CNTNAP4: variants seen among roughly 807,000 people sequenced by gnomAD.
The protein encoded by CNTNAP4 is contactin-associated protein-like 4.
Under a neutral mutation model 148.4 loss-of-function variants are expected in CNTNAP4, and 98 were observed. The observed-to-expected ratio is 0.66, with a 90% CI of 0.56 to 0.78. CNTNAP4 has a LOEUF of 0.78. Ranked by LOEUF, CNTNAP4 falls within the 30% of genes least tolerant of loss-of-function variation. The probability of loss-of-function intolerance (pLI) is 0.00; values close to 1 mark genes in which losing one functional copy is unlikely to be tolerated. For missense variants in CNTNAP4, 1,935 were observed against 1,565.6 expected (o/e 1.24, Z -3.98); for synonymous variants, 730 against 565.1 (o/e 1.29, Z -4.14).
At chr16:76,379,702 A>G (rs1333095146) in intron 3 of CNTNAP4, among the ~76,000 whole-genome samples, 1 of 152,288 alleles carries the variant, frequency 6.6e-6, no homozygotes, top group Admixed American at 6.5e-5. Context: ...GACTTTCTAT[A>G]TTCTGCTTCT....
chr16:76,550,905 G>A (rs1458777173), intron 21 of CNTNAP4, among the ~76,000 whole-genome samples: 1 of 152,136 alleles, frequency 6.6e-6, no homozygotes, highest in African/African-American at 2.4e-5. Context: ...TGCTCCCTCA[G>A]TGCTATCTTT....
At chr16:76,336,789 T>G (rs1964063776) in intron 2 of CNTNAP4, among the ~76,000 whole-genome samples, 1 of 152,248 alleles carries the variant, frequency 6.6e-6, no homozygotes, top group African/African-American at 2.4e-5. Context: ...TGTTGGTTGA[T>G]AAGTTGTTTG....
chr16:76,396,168 T>G (rs2078195759), intron 3 of CNTNAP4, among the ~76,000 whole-genome samples: 1 of 152,258 alleles, frequency 6.6e-6, no homozygotes, highest in Non-Finnish European at 1.5e-5. Context: ...AATTTTGCTT[T>G]GTTAGACCTT....
intron 2 of CNTNAP4, among the ~76,000 whole-genome samples, chr16:76,348,993 G>A (rs1015975444): frequency 6.6e-6 from 1 of 152,068 alleles, no homozygotes; most frequent in Admixed American, 6.6e-5. Context: ...GCAGGAGAGA[G>A]GAGAATTGCT....
At chr16:76,424,449 G>T (rs181156214) in intron 3 of CNTNAP4, among the ~76,000 whole-genome samples, 1 of 152,124 alleles carries the variant, frequency 6.6e-6, no homozygotes, top group African/African-American at 2.4e-5. Flanking sequence ...AATTTGGAAA[G>T]CTTGTAAAGA....
intron 3 of CNTNAP4, among the ~76,000 whole-genome samples, chr16:76,388,890 C>T (rs948386446): frequency 6.6e-5 from 10 of 152,098 alleles, no homozygotes; most frequent in African/African-American, 2.4e-5. Context: ...TAGAATTGTT[C>T]TTTGTGTGCT....
chr16:76,474,203 A>T (rs1484637892), intron 10 of CNTNAP4, among the ~76,000 whole-genome samples: 1 of 152,160 alleles, frequency 6.6e-6, no homozygotes, highest in African/African-American at 2.4e-5. Context: ...AGACTGGGAG[A>T]CAGGGGCTGT....
chr16:76,345,478 T>G (rs61368169), intron 2 of CNTNAP4, among the ~76,000 whole-genome samples: 28,524 of 152,142 alleles, frequency 0.19, 3,495 homozygotes, highest in East Asian at 0.49. Flanking sequence ...TCAAGAGTAT[T>G]GGGAGAGGGA....
intron 3 of CNTNAP4, among the ~76,000 whole-genome samples, chr16:76,385,899 C>T (rs773162359): frequency 9.9e-5 from 15 of 151,918 alleles, no homozygotes; most frequent in Non-Finnish European, 1.9e-4. Flanking sequence ...GAACATAAGG[C>T]AGTATTTCAG....
At chr16:76,294,912 C>G (rs922234063) in intron 1 of CNTNAP4, among the ~76,000 whole-genome samples, 2 of 152,150 alleles carry the variant, frequency 1.3e-5, no homozygotes, top group East Asian at 1.9e-4. Flanking sequence ...GCTTTTGTGA[C>G]CACATTTTAT....
chr16:76,553,491 C>T lies in CNTNAP4; in HGVS notation c.3651C>T (p.His1217=). The T allele has an allele frequency of 6.2e-7, 1 of 1,609,212 alleles. No homozygotes were observed. The highest frequency in any genetic ancestry group is 8.5e-7 in the Non-Finnish European group (1 of 1,177,258). Reference sequence around the variant, plus strand: ...ATGCCACATCAAGGGAAAGGACACACTCGTTTGCAGGTGACTTAGAGTTCT... The same window carrying T: ...ATGCCACATCAAGGGAAAGGACACATTCGTTTGCAGGTGACTTAGAGTTCT... ...GTDATSRERT[H]SFADHSGTID... The change falls in exon 22 of 24, where the codon CAC becomes CAT. Residue 1217 remains histidine (H), a synonymous_variant. Transcript: ENST00000611870.
chr16:76,479,719 C>A (rs1165577413), intron 12 of CNTNAP4, among the ~76,000 whole-genome samples, 181 bp downstream of exon 12: 1 of 152,094 alleles, frequency 6.6e-6, no homozygotes, highest in South Asian at 2.1e-4. Context: ...TTTTAAATGT[C>A]TTTTTTAATG....
Position 76,535,715 on chromosome 16 carries a change from A to G in CNTNAP4, c.2926A>G (p.Arg976Gly), listed in dbSNP as rs1053836148. The change falls in exon 18 of 24, where the codon AGA becomes GGA. Residue 976 changes from arginine to glycine, a missense_variant. Coordinates refer to ENST00000611870, the MANE Select transcript of CNTNAP4 (RefSeq NM_033401.5). ...GKLCRNGGKC[R>G]ERPIGFFCDC... ...GTTATGCCGCAATGGAGGGAAATGC[A>G]GAGAAAGACCCATTGGGTTCTTTTG... The G allele has an allele frequency of 6.2e-7, 1 of 1,613,856 alleles. No homozygotes were observed.
intron 23 of CNTNAP4, among the ~76,000 whole-genome samples, chr16:76,556,124 T>C (rs2085187789): frequency 6.6e-6 from 1 of 151,388 alleles, no homozygotes; most frequent in South Asian, 2.1e-4. Flanking sequence ...TCTTAGATGA[T>C]TTTTTTTTAC....
intron 3 of CNTNAP4, among the ~76,000 whole-genome samples, chr16:76,370,067 T>C (rs1481425523): frequency 1.3e-5 from 2 of 152,134 alleles, no homozygotes; most frequent in Non-Finnish European, 2.9e-5. Flanking sequence ...TACCTAGTCA[T>C]GTGGAAATAT....
chr16:76,332,145 C>A (rs573479865), intron 2 of CNTNAP4, among the ~76,000 whole-genome samples: 1 of 152,286 alleles, frequency 6.6e-6, no homozygotes, highest in East Asian at 1.9e-4. Flanking sequence ...CTTTGACTTA[C>A]AACGGTTTGA....
chr16:76,530,392 C>T (rs1032743195), intron 17 of CNTNAP4, among the ~76,000 whole-genome samples: 1 of 152,128 alleles, frequency 6.6e-6, no homozygotes, highest in South Asian at 2.1e-4. Context: ...TAGCCTAAGA[C>T]GCCCCGAGTG....
intron 3 of CNTNAP4, among the ~76,000 whole-genome samples, chr16:76,373,910 A>AAG (rs1320024192): frequency 2.6e-5 from 4 of 151,574 alleles, no homozygotes; most frequent in Non-Finnish European, 4.4e-5. Flanking sequence ...AAAAAAAAAA[A>AAG]AAAAGAAAAG....
intron 21 of CNTNAP4, among the ~76,000 whole-genome samples, chr16:76,546,743 G>T (rs1384127109): frequency 2.6e-5 from 4 of 152,178 alleles, no homozygotes; most frequent in Non-Finnish European, 5.9e-5. Context: ...GTGCCAAAAA[G>T]GTTGGGGACC....
Sources: allele counts gnomAD v4.1 joint callset (sites outside exome capture counted in the v4.1 genomes callset), GRCh38; gene constraint gnomAD v4.1.1; transcripts MANE v1.5; gene names NCBI Gene and HGNC (gene_info 2026-07-23, HGNC 2026-07-21).